Variants in MRTFB observed in about 807,000 individuals in gnomAD.
The protein encoded by MRTFB is myocardin related transcription factor B, also known as myocardin-related transcription factor B.
In MRTFB, 29 loss-of-function variants were observed where a neutral mutation model predicts 104.2. That is an observed-to-expected ratio of 0.28 (90% CI 0.21 to 0.38). The LOEUF is 0.38. MRTFB is among the 10% of genes least tolerant of loss of function. MRTFB has a pLI of 1.00. For synonymous variants in MRTFB, 535 were observed against 519.5 expected (o/e 1.03, Z -0.41); for missense variants, 1,270 against 1,341.6 (o/e 0.95, Z 0.83).
At chr16:14,195,095 A>C (rs565909629) in intron 3 of MRTFB, among the ~76,000 whole-genome samples, 8 of 152,304 alleles carry the variant, frequency 5.3e-5, no homozygotes, top group African/African-American at 1.9e-4. Flanking sequence ...CATCTGCTAG[A>C]GTTGCCCTTT....
chr16:14,257,841 A>T (rs1304553795), intron 15 of MRTFB, among the ~76,000 whole-genome samples: 1 of 152,196 alleles, frequency 6.6e-6, no homozygotes, highest in African/African-American at 2.4e-5. Context: ...AGGCCTCTCA[A>T]AATGCAATTC....
At chr16:14,210,817 T>C (rs1299503374) in intron 4 of MRTFB, among the ~76,000 whole-genome samples, 1 of 152,244 alleles carries the variant, frequency 6.6e-6, no homozygotes, top group African/African-American at 2.4e-5. Flanking sequence ...TCAAGTACAG[T>C]TATTTCCCTT....
intron 3 of MRTFB, among the ~76,000 whole-genome samples, chr16:14,167,984 G>A (rs1567408395): frequency 6.6e-6 from 1 of 152,206 alleles, no homozygotes; most frequent in Non-Finnish European, 1.5e-5. Flanking sequence ...ACCGCGCCCG[G>A]CCAATCTATC....
intron 6 of MRTFB, among the ~76,000 whole-genome samples, chr16:14,216,921 A>G (rs542196478): frequency 6.6e-6 from 1 of 152,370 alleles, no homozygotes; most frequent in Admixed American, 6.5e-5. Context: ...TCCAAATTAC[A>G]TAGACAAAGT....
chr16:14,195,248 A>G (rs1197671942), intron 3 of MRTFB, among the ~76,000 whole-genome samples: 1 of 152,206 alleles, frequency 6.6e-6, no homozygotes, highest in Non-Finnish European at 1.5e-5. Context: ...TTCTAATACC[A>G]GAACAATTGG....
chr16:14,166,221 T>TC (rs200755644), intron 3 of MRTFB, among the ~76,000 whole-genome samples: 9 of 140,166 alleles, frequency 6.4e-5, no homozygotes, highest in African/African-American at 2.2e-4. Flanking sequence ...TCTTTTCTTT[T>TC]TTTTTTTTTT....
intron 13 of MRTFB, among the ~76,000 whole-genome samples, 187 bp downstream of exon 13, chr16:14,249,268 AGAAAGACCTTTTCATTACT>A (rs1292292854): frequency 1.3e-5 from 2 of 152,232 alleles, no homozygotes; most frequent in Non-Finnish European, 2.9e-5. Flanking sequence ...TTTGGAATGG[AGAAAGACCTTTTCATTACT>A]GAAAGATAGC....
chr16:14,161,166 A>T (rs912738203), intron 3 of MRTFB, among the ~76,000 whole-genome samples: 22 of 125,438 alleles, frequency 1.8e-4, no homozygotes, highest in Non-Finnish European at 2.5e-4. Context: ...ACATTTTTTT[A>T]AAAAATCATG....
intron 15 of MRTFB, among the ~76,000 whole-genome samples, chr16:14,254,454 G>A (rs2151445467): frequency 6.6e-6 from 1 of 152,310 alleles, no homozygotes; most frequent in East Asian, 1.9e-4. Flanking sequence ...AGGGTTACTG[G>A]AGAAAAGCCA....
chr16:14,203,235 A>G (rs1227408637), intron 3 of MRTFB, among the ~76,000 whole-genome samples: 1 of 151,890 alleles, frequency 6.6e-6, no homozygotes, highest in Admixed American at 6.6e-5. Flanking sequence ...TCTAACTCAC[A>G]GATAGCTGTT....
In MRTFB at chr16:14,266,705, G is replaced by A. The variant is rs1465337990; in HGVS notation, c.*5261G>A. 6.6e-6 allele frequency: 1 copy of A among 152,220 alleles called. No individual in the cohort carries two copies. Among genetic ancestry groups the A allele is most frequent in the Non-Finnish European group, 1.5e-5 (1 of 68,036 alleles). The allele number at this position is 152,220 out of a possible 1,614,324, so 9.4% of individuals were successfully genotyped here. ...TGTACATAGTGGCAGTATTGTAGCT[G>A]ATCGGGAAATGTTTGATATCTCAGC... On this transcript the variant is annotated 3_prime_UTR_variant, in exon 17 of 17. Coordinates refer to ENST00000571589, the MANE Select transcript of MRTFB (RefSeq NM_001308142.2).
chr16:14,052,113 T>A, the MRTFB span, among the ~76,000 whole-genome samples: 8 of 152,028 alleles, frequency 5.3e-5, no homozygotes, highest in Middle Eastern at 0.014. Context: ...CATACTTTGT[T>A]TTGTTATGAC....
At position 14,140,716 on chromosome 16, in the gene MRTFB, T is replaced by G; in HGVS notation, c.110T>G (p.Leu37Trp). ...AVAHEFQELS[L>W]QSSQNLPPLN... is the part of the protein sequence containing the mutation. ...GCTCATGAATTCCAGGAACTCTCCT[T>G]GCAGTCCAGTCAAAACTTACCCCCT... The change falls in exon 3 of 17, where the codon TTG becomes TGG. Residue 37 changes from leucine (L) to tryptophan (W), a missense_variant. Leu to Trp is a moderately conservative substitution (Grantham distance 61, BLOSUM62 -2). Around this residue, in one of 3 missense-constraint regions of MRTFB, gnomAD observed 62 missense variants for 57.2 expected, o/e 1.08. Coordinates refer to ENST00000571589, the MANE Select transcript of MRTFB (RefSeq NM_001308142.2). 6.2e-7 allele frequency: 1 copy of G among 1,614,150 alleles called. No homozygotes were observed. Among genetic ancestry groups the G allele is most frequent in the Non-Finnish European group, 8.5e-7 (1 of 1,180,018 alleles).
At chr16:14,094,102 T>C (rs2035232154) in intron 2 of MRTFB, among the ~76,000 whole-genome samples, 1 of 152,202 alleles carries the variant, frequency 6.6e-6, no homozygotes, top group Non-Finnish European at 1.5e-5. Flanking sequence ...ATGGTAAACA[T>C]GTGGCACCGA....
intron 16 of MRTFB, among the ~76,000 whole-genome samples, chr16:14,258,714 T>C (rs16963607): frequency 0.02 from 2,993 of 152,340 alleles, 116 homozygotes; most frequent in African/African-American, 0.068. Flanking sequence ...GCCAATACTA[T>C]CTTAATTATG....
intron 3 of MRTFB, among the ~76,000 whole-genome samples, chr16:14,167,633 C>T (rs931429906): frequency 3.3e-5 from 5 of 151,880 alleles, no homozygotes; most frequent in Non-Finnish European, 7.4e-5. Flanking sequence ...TTTTATAGTT[C>T]GGGGTTTTAC....
At chr16:14,040,153 A>C in the MRTFB span, among the ~76,000 whole-genome samples, 2 of 152,252 alleles carry the variant, frequency 1.3e-5, no homozygotes. Context: ...AAGTTATTGC[A>C]ATTTTTAACA....
At chr16:14,238,654 T>C (rs914583717) in intron 9 of MRTFB, among the ~76,000 whole-genome samples, 2 of 152,172 alleles carry the variant, frequency 1.3e-5, no homozygotes, top group Admixed American at 6.5e-5. Flanking sequence ...TACATGTGGA[T>C]ATTAAAATCA....
the MRTFB span, among the ~76,000 whole-genome samples, chr16:14,031,469 T>C: frequency 2.1e-4 from 32 of 152,172 alleles, no homozygotes; most frequent in African/African-American, 7.0e-4. Context: ...TTATGTATCT[T>C]ACTACGTACT....
Sources: gnomAD v4.1 joint callset for allele counts (sites outside exome capture counted in the v4.1 genomes callset) on GRCh38, gnomAD v4.1.1 for gene constraint, gnomAD v4.1.1 regional missense constraint, MANE v1.5 for transcripts, NCBI Gene and HGNC (gene_info 2026-07-23, HGNC 2026-07-21) for gene names.